ZNF622: variants seen among roughly 807,000 people sequenced by gnomAD.
ZNF622 encodes the protein zinc finger protein 622.
A neutral mutation model predicts 49.7 loss-of-function variants in ZNF622; 34 were observed. That is an observed-to-expected ratio of 0.68 (90% CI 0.52 to 0.91). ZNF622 has a LOEUF of 0.91. Among genes scored for constraint, ZNF622 ranks in the 40% least tolerant of loss-of-function variants. The probability of loss-of-function intolerance (pLI) is 0.00; values close to 1 mark genes in which losing one functional copy is unlikely to be tolerated. For missense variants in ZNF622, 569 were observed against 616.4 expected, an observed-to-expected ratio of 0.92 and a Z score of 0.81; for synonymous variants, 209 against 228.7, an observed-to-expected ratio of 0.91 and a Z score of 0.78.
chr5:16,453,104 G>A lies in ZNF622; in HGVS notation c.1215C>T (p.Gly405=). The A allele has an allele frequency of 6.3e-7, 1 of 1,582,482 alleles. No homozygotes were observed. The highest frequency in any genetic ancestry group is 1.1e-5 in the South Asian group (1 of 87,572). The change falls in exon 5 of 6, where the codon GGC becomes GGT. Residue 405 remains glycine, a synonymous_variant. Transcript: ENST00000308683. ...TGGCAACTGCCACAGCTCTTGACAA[G>A]CCAAATCGCTGTTTGTAGTATCTCA... ...SLMRYYKQRF[G]LSRAVAVAKN... is the part of the protein sequence containing the mutation.
At chr5:16,451,951 T>G (rs1737941711) in intron 5 of ZNF622, among the ~76,000 whole-genome samples, 167 bp from the exon 6 acceptor site, 1 of 152,210 alleles carries the variant, frequency 6.6e-6, no homozygotes, top group African/African-American at 2.4e-5. Context: ...CTCAGGGGTC[T>G]CTGTGGACTC....
rs768459047 is a variant in ZNF622, at chr5:16,463,632, G to A, written c.736C>T (p.Leu246Phe). ...CAGTCCGTGATAGGGATGGCACCAAGGGGTGGGCCTTCCTCAGCCTCTTCC... is the reference window on the plus strand; with the variant it reads ...CAGTCCGTGATAGGGATGGCACCAAAGGGTGGGCCTTCCTCAGCCTCTTCC... ...EEEEAEEGPP[L>F]GAIPITDCLF... The change falls in exon 2 of 6, where the codon CTT becomes TTT. Residue 246 changes from leucine (L) to phenylalanine (F), a missense_variant. Leu to Phe is a conservative substitution (Grantham distance 22, BLOSUM62 0). Coordinates refer to ENST00000308683, the MANE Select transcript of ZNF622 (RefSeq NM_033414.3). This position sits in a 1 kb window ranked among gnomAD's most constrained non-coding sequence, Gnocchi z 4.2. The A allele has an allele frequency of 3.0e-5, 49 of 1,614,078 alleles. No homozygotes were observed. Among genetic ancestry groups the A allele is most frequent in the Non-Finnish European group, 3.9e-5 (46 of 1,180,046 alleles).
rs79253553 is a variant in ZNF622 at position 16,463,176 on chromosome 5, G to T, written c.981C>A (p.Asp327Glu). 1.2e-6 allele frequency: 2 copies of T among 1,613,948 alleles called. No individual in the cohort carries two copies. Among genetic ancestry groups the T allele is most frequent in the Non-Finnish European group, 1.7e-6 (2 of 1,179,986 alleles). ...STEAVQAHMN[D>E]KSHCKLFTDG... ...CTGTGAAGAGCTTACAGTGGCTTTTGTCATTCATATGTGCCTGTACAGCTT... is the reference window on the plus strand; with the variant it reads ...CTGTGAAGAGCTTACAGTGGCTTTTTTCATTCATATGTGCCTGTACAGCTT... The change falls in exon 3 of 6, where the codon GAC (aspartate) becomes GAA (glutamate). Residue 327 changes from aspartate (D) to glutamate (E), a missense_variant. Asp to Glu is a conservative substitution (Grantham distance 45). Transcript: ENST00000308683. The surrounding 1 kb of genome is among the most constrained non-coding windows in gnomAD (Gnocchi z 4.2).
Position 16,463,410 on chromosome 5 carries a change from T to C in ZNF622, c.886+72A>G. The C allele has an allele frequency of 6.6e-7, 1 of 1,517,950 alleles. No homozygotes were observed. The highest frequency in any genetic ancestry group is 8.9e-7 in the Non-Finnish European group (1 of 1,125,456). 94.0% of individuals were successfully genotyped at this position (1,517,950 alleles called of 1,614,324 possible). A position where few individuals can be genotyped will look rare whatever the true frequency, so the allele number is the denominator to read the frequency against. ...CAAAGATTGATGAAAAATGCAAAAC[T>C]AATGTTCCCTTGAGACCAGTCCCCC... On this transcript the variant is annotated intron_variant, in intron 2 of 5. Transcript: ENST00000308683. The surrounding 1 kb of genome is among the most constrained non-coding windows in gnomAD (Gnocchi z 4.2).
chr5:16,452,226 A>C (rs143134784), intron 5 of ZNF622, among the ~76,000 whole-genome samples: 25 of 152,324 alleles, frequency 1.6e-4, no homozygotes, highest in African/African-American at 4.6e-4. Flanking sequence ...AATGGATTTT[A>C]GTTGCCTAGA....
intron 5 of ZNF622, among the ~76,000 whole-genome samples, chr5:16,452,476 C>T (rs954139675): frequency 6.6e-6 from 1 of 152,194 alleles, no homozygotes; most frequent in Non-Finnish European, 1.5e-5. Context: ...GGACTGATAG[C>T]TAACCTCGAC....
At position 16,453,009 on chromosome 5, in the gene ZNF622, G is replaced by T. The variant is rs755415390; in HGVS notation, c.1306+4C>A. The T allele has an allele frequency of 6.9e-7, 1 of 1,456,622 alleles. No individual in the cohort carries two copies. The highest frequency in any genetic ancestry group is 1.5e-5 in the South Asian group (1 of 67,414). The allele number at this position is 1,456,622 out of a possible 1,614,324, so 90.2% of individuals were successfully genotyped here. Reference sequence around the variant, plus strand: ...CTGGTCTGTAGTTGTAAAGATCAATGTACCTGTGCTGCCAGTCCATCCCAG... The same window carrying T: ...CTGGTCTGTAGTTGTAAAGATCAATTTACCTGTGCTGCCAGTCCATCCCAG... On this transcript the variant is annotated splice_donor_region_variant and intron_variant, in intron 5 of 5. Transcript: ENST00000308683.
At position 16,465,059 on chromosome 5, in the gene ZNF622, C is replaced by T; in HGVS notation, c.607G>A (p.Glu203Lys). The T allele has an allele frequency of 6.3e-7, 1 of 1,597,012 alleles. No homozygotes were observed. The highest frequency in any genetic ancestry group is 8.5e-7 in the Non-Finnish European group (1 of 1,170,538). The change falls in exon 1 of 6, where the codon GAG becomes AAG. Residue 203 changes from glutamate (E) to lysine (K), a missense_variant. By Grantham distance (56) the Glu-to-Lys change is moderately conservative. Coordinates refer to ENST00000308683, the MANE Select transcript of ZNF622 (RefSeq NM_033414.3). This position sits in a 1 kb window ranked among gnomAD's most constrained non-coding sequence, Gnocchi z 6.2. ...QQEEDSEEEE[E>K]DLDGDDWEDI... ...CCATCACCGTCTCCATCCAGGTCCTCTTCCTCCTCCTCGCTGTCCTCCTCC... is the reference window on the plus strand; with the variant it reads ...CCATCACCGTCTCCATCCAGGTCCTTTTCCTCCTCCTCGCTGTCCTCCTCC...
At chr5:16,452,895 C>T (rs760636419) in intron 5 of ZNF622, 118 bp downstream of exon 5, 94 of 1,116,238 alleles carry the variant, frequency 8.4e-5, no homozygotes, top group Admixed American at 2.1e-4. Context: ...GGAGCCAAGA[C>T]GTTACGTTTC....
chr5:16,463,791 G>C lies in ZNF622; in HGVS notation c.626-49C>G, dbSNP rs1339314698. The stretch of plus-strand genomic sequence containing the variant: ...TAAAGTTTAAGAAAAGTAGTAGCAA[G>C]CAAAGATATCACAAAAATTCACGAG... On this transcript the variant is annotated intron_variant, in intron 1 of 5. Coordinates refer to ENST00000308683, the MANE Select transcript of ZNF622 (RefSeq NM_033414.3). This position sits in a 1 kb window ranked among gnomAD's most constrained non-coding sequence, Gnocchi z 4.2. The C allele has an allele frequency of 1.9e-6, 3 of 1,583,476 alleles. No homozygotes were observed. The highest frequency in any genetic ancestry group is 2.6e-6 in the Non-Finnish European group (3 of 1,163,356).
intron 4 of ZNF622, among the ~76,000 whole-genome samples, chr5:16,455,778 GC>G (rs540214745): frequency 7.1e-4 from 108 of 152,266 alleles, no homozygotes; most frequent in African/African-American, 2.5e-3. Context: ...CAGCACGTTG[GC>G]CTTTTAAAGC....
intron 3 of ZNF622, among the ~76,000 whole-genome samples, chr5:16,461,304 T>C (rs1415508296): frequency 6.6e-6 from 1 of 152,262 alleles, no homozygotes; most frequent in Non-Finnish European, 1.5e-5. Context: ...ATACTTTGGC[T>C]TTTACTTTGA....
Position 16,465,799 on chromosome 5 carries a change from C to G in ZNF622, c.-134G>C. Reference sequence around the variant, plus strand: ...CGACACGCCGACTTCCTGATTGTCACTGAGGAAACTTCCGGCACACGTCGG... The same window carrying G: ...CGACACGCCGACTTCCTGATTGTCAGTGAGGAAACTTCCGGCACACGTCGG... On this transcript the variant is annotated 5_prime_UTR_variant, in exon 1 of 6. Coordinates refer to ENST00000308683, the MANE Select transcript of ZNF622 (RefSeq NM_033414.3). This position sits in a 1 kb window ranked among gnomAD's most constrained non-coding sequence, Gnocchi z 6.2. 3 of 1,214,436 alleles carry G rather than the reference C, an allele frequency of 2.5e-6. No individual in the cohort carries two copies. Among genetic ancestry groups the G allele is most frequent in the Non-Finnish European group, 2.3e-6 (2 of 882,874 alleles). 75.2% of individuals were successfully genotyped at this position (1,214,436 alleles called of 1,614,324 possible). A position where few individuals can be genotyped will look rare whatever the true frequency, so the allele number is the denominator to read the frequency against.
intron 1 of ZNF622, 45 bp downstream of exon 1, chr5:16,464,996 G>C: frequency 6.6e-7 from 1 of 1,525,518 alleles, no homozygotes; most frequent in Non-Finnish European, 8.8e-7. Flanking sequence ...ACTTAAGGGT[G>C]GGCCAAGTTC....
At position 16,463,317 on chromosome 5, in the gene ZNF622, C is replaced by A. The variant is rs778519456; in HGVS notation, c.887-47G>T. On this transcript the variant is annotated intron_variant, in intron 2 of 5. Transcript: ENST00000308683. This position sits in a 1 kb window ranked among gnomAD's most constrained non-coding sequence, Gnocchi z 4.2. ...AAAATATGAAAAAAGCTTTTTGCAA[C>A]CAGATTAAATCTCACTATTTGTCAC... 11 of 1,566,790 alleles carry A rather than the reference C, an allele frequency of 7.0e-6. No homozygotes were observed. Among genetic ancestry groups the A allele is most frequent in the Admixed American group, 3.9e-5 (2 of 50,836 alleles).
chr5:16,458,963 C>G (rs1738079996), intron 3 of ZNF622, among the ~76,000 whole-genome samples: 1 of 152,218 alleles, frequency 6.6e-6, no homozygotes, highest in African/African-American at 2.4e-5. Context: ...TGCTGTCCAA[C>G]AGAACTCTGT....
In ZNF622 at chr5:16,463,033, C is replaced by T; in HGVS notation, c.1049+75G>A. 1 of 1,475,634 alleles carries T rather than the reference C, an allele frequency of 6.8e-7. No homozygotes were observed. The highest frequency in any genetic ancestry group is 9.2e-7 in the Non-Finnish European group (1 of 1,090,880). 91.4% of individuals were successfully genotyped at this position (1,475,634 alleles called of 1,614,324 possible). On this transcript the variant is annotated intron_variant, in intron 3 of 5. Coordinates refer to ENST00000308683, the MANE Select transcript of ZNF622 (RefSeq NM_033414.3). This position sits in a 1 kb window ranked among gnomAD's most constrained non-coding sequence, Gnocchi z 4.2. ...TATGTTGTACAGTGCCAAACATATC[C>T]AGCACTGGCACACCTAATAATCACT...
chr5:16,454,473 G>T (rs1308880786), intron 4 of ZNF622, among the ~76,000 whole-genome samples: 2 of 99,124 alleles, frequency 2.0e-5, no homozygotes, highest in Admixed American at 1.7e-4. Flanking sequence ...GGGCAACACA[G>T]CAAGACTCCG....
At position 16,453,097 on chromosome 5, in the gene ZNF622, T is replaced by C; in HGVS notation, c.1222A>G (p.Arg408Gly). 1 of 1,586,190 alleles carries C rather than the reference T, an allele frequency of 6.3e-7. No homozygotes were observed. Among genetic ancestry groups the C allele is most frequent in the Non-Finnish European group, 8.6e-7 (1 of 1,163,090 alleles). Reference sequence around the variant, plus strand: ...CGATTTTTGGCAACTGCCACAGCTCTTGACAAGCCAAATCGCTGTTTGTAG... The same window carrying C: ...CGATTTTTGGCAACTGCCACAGCTCCTGACAAGCCAAATCGCTGTTTGTAG... ...RYYKQRFGLS[R>G]AVAVAKNRKA... Residue 408 changes from arginine to glycine, a missense_variant, in exon 5 of 6, where the codon AGA becomes GGA. By Grantham distance (125) the Arg-to-Gly change is moderately radical. Coordinates refer to ENST00000308683, the MANE Select transcript of ZNF622 (RefSeq NM_033414.3).
Sources: gnomAD v4.1 joint callset for allele counts (sites outside exome capture counted in the v4.1 genomes callset) on GRCh38, gnomAD v4.1.1 for gene constraint, Gnocchi (gnomAD v3.1) non-coding constraint, MANE v1.5 for transcripts, NCBI Gene and HGNC (gene_info 2026-07-23, HGNC 2026-07-21) for gene names.